SLC15A4: variants seen among roughly 807,000 people sequenced by gnomAD.
SLC15A4 encodes the protein hPHT1.
A neutral mutation model predicts 46.1 loss-of-function variants in SLC15A4; 26 were observed. The ratio of observed to expected loss-of-function variants is 0.56; its 90% CI spans 0.41 to 0.78. The LOEUF (loss-of-function observed/expected upper bound fraction) is 0.78. Among genes scored for constraint, SLC15A4 ranks in the 30% least tolerant of loss-of-function variants. The pLI, the probability that SLC15A4 is intolerant of heterozygous loss-of-function variation, is 0.00. For synonymous variants in SLC15A4, 370 were observed against 333.4 expected, an observed-to-expected ratio of 1.11 and a Z score of -1.20; for missense variants, 751 against 755.7, an observed-to-expected ratio of 0.99 and a Z score of 0.07.
chr12:128,821,325 C>G (rs143488100), intron 1 of SLC15A4, among the ~76,000 whole-genome samples: 1 of 152,204 alleles, frequency 6.6e-6, no homozygotes, highest in Admixed American at 6.5e-5. Context: ...TCCCTAATGT[C>G]ACCACTTCCT....
chr12:128,795,929 C>T (rs1291817451), intron 7 of SLC15A4, among the ~76,000 whole-genome samples: 1 of 152,246 alleles, frequency 6.6e-6, no homozygotes. Flanking sequence ...CCGGCAACAT[C>T]ACGAGGGGAG....
At chr12:128,810,287 T>G in intron 2 of SLC15A4, 176 bp from the exon 3 acceptor site, 1 of 601,224 alleles carries the variant, frequency 1.7e-6, no homozygotes, top group Non-Finnish European at 2.8e-6. Context: ...TTTCTAAATG[T>G]CACAGAATGT....
intron 7 of SLC15A4, among the ~76,000 whole-genome samples, chr12:128,795,330 A>G (rs753992469): frequency 3.3e-5 from 5 of 152,182 alleles, no homozygotes; most frequent in Non-Finnish European, 5.9e-5. Context: ...TAATACAAAG[A>G]GTTAGCATAC....
intron 1 of SLC15A4, among the ~76,000 whole-genome samples, chr12:128,816,613 T>C (rs1955754372): frequency 6.6e-6 from 1 of 152,166 alleles, no homozygotes; most frequent in African/African-American, 2.4e-5. Flanking sequence ...GGCAGACCGC[T>C]TGGGTCTAGG....
In SLC15A4 at chr12:128,805,156, A is replaced by C. The variant is rs540069555; in HGVS notation, c.1258+3632T>G. 7.9e-5 allele frequency among the ~76,000 whole-genome samples: 12 copies of C among 152,252 alleles called. No homozygotes were observed. The South Asian group carries it at 1.0e-3, about 13-fold the overall frequency. On this transcript the variant is annotated intron_variant, in intron 5 of 7. Coordinates refer to ENST00000266771, the MANE Select transcript of SLC15A4 (RefSeq NM_145648.4). Reference sequence around the variant, plus strand: ...GCAATTATCCTTGGATACCCCCCCCAAAAAAATCCAACATTCATGCTGGCT... The same window carrying C: ...GCAATTATCCTTGGATACCCCCCCCCAAAAAATCCAACATTCATGCTGGCT...
At chr12:128,799,628 A>G (rs1955491322) in intron 6 of SLC15A4, among the ~76,000 whole-genome samples, 1 of 152,230 alleles carries the variant, frequency 6.6e-6, no homozygotes, top group Non-Finnish European at 1.5e-5. Flanking sequence ...CCTAGCCATT[A>G]GGATAATTCC....
intron 2 of SLC15A4, 49 bp from the exon 3 acceptor site, chr12:128,810,160 C>T: frequency 6.3e-7 from 1 of 1,581,714 alleles, no homozygotes. Context: ...TCCCAGCAAT[C>T]AATTATTTGG....
chr12:128,803,832 C>T (rs1404953031), intron 5 of SLC15A4, among the ~76,000 whole-genome samples: 2 of 151,114 alleles, frequency 1.3e-5, no homozygotes, highest in African/African-American at 4.8e-5. Context: ...TCCGGGACGA[C>T]ACGACGAATT....
intron 7 of SLC15A4, among the ~76,000 whole-genome samples, chr12:128,797,120 T>C (rs549049865): frequency 6.6e-6 from 1 of 152,158 alleles, no homozygotes; most frequent in African/African-American, 2.4e-5. Context: ...GACAGACTCT[T>C]GGGTCCCCAA....
chr12:128,822,136 T>C (rs1037015818), intron 1 of SLC15A4, among the ~76,000 whole-genome samples: 3 of 152,172 alleles, frequency 2.0e-5, no homozygotes, highest in African/African-American at 7.2e-5. Context: ...GATCTGACTT[T>C]GCTATTGCTC....
chr12:128,807,327 G>C (rs909154759), intron 5 of SLC15A4, among the ~76,000 whole-genome samples: 1 of 152,192 alleles, frequency 6.6e-6, no homozygotes, highest in African/African-American at 2.4e-5. Flanking sequence ...TGGCTCTCAA[G>C]GCAGCCCACA....
Position 128,814,907 on chromosome 12 carries a change from A to G in SLC15A4, c.710T>C (p.Phe237Ser), listed in dbSNP as rs1955728039. The change falls in exon 2 of 8, where the codon TTT (phenylalanine) becomes TCT (serine). Residue 237 changes from phenylalanine to serine, a missense_variant. Coordinates refer to ENST00000266771, the MANE Select transcript of SLC15A4 (RefSeq NM_145648.4). ...AIPTVCVGLA[F>S]VVFLCGQSVF... ...GCTCTGGCCACAGAGGAAGACCACAAAAGCAAGGCCGACGCAGACAGTGGG... is the reference window on the plus strand; with the variant it reads ...GCTCTGGCCACAGAGGAAGACCACAGAAGCAAGGCCGACGCAGACAGTGGG... The G allele has an allele frequency of 1.9e-6, 3 of 1,614,196 alleles. No individual in the cohort carries two copies. Among genetic ancestry groups the G allele is most frequent in the Non-Finnish European group, 2.5e-6 (3 of 1,180,038 alleles).
chr12:128,810,389 A>C, intron 2 of SLC15A4: 1 of 393,890 alleles, frequency 2.5e-6, no homozygotes, highest in Non-Finnish European at 4.7e-6. Flanking sequence ...TGACAGTGTG[A>C]ACCACGGCTG....
At chr12:128,817,336 T>C (rs1955770307) in intron 1 of SLC15A4, among the ~76,000 whole-genome samples, 1 of 151,890 alleles carries the variant, frequency 6.6e-6, no homozygotes. Flanking sequence ...GGAAGAAAAA[T>C]GAAAAATGTG....
At chr12:128,796,825 T>C (rs888430752) in intron 7 of SLC15A4, among the ~76,000 whole-genome samples, 1 of 152,132 alleles carries the variant, frequency 6.6e-6, no homozygotes, top group African/African-American at 2.4e-5. Flanking sequence ...AATGTACCAG[T>C]CACTGAAAAC....
In SLC15A4 at chr12:128,823,752, C is replaced by G; in HGVS notation, c.192G>C (p.Gly64=). Residue 64 remains glycine (G), a synonymous_variant, in exon 1 of 8, where the codon GGG becomes GGC. Coordinates refer to ENST00000266771, the MANE Select transcript of SLC15A4 (RefSeq NM_145648.4). ...ITSNLVLFLN[G]APFCWEGAQA... ...GCGCGCCCTCCCAGCAGAACGGCGC[C>G]CCGTTCAGGAATAGCACCAGGTTGG... The G allele has an allele frequency of 1.3e-6, 2 of 1,539,332 alleles. No individual in the cohort carries two copies. Among genetic ancestry groups the G allele is most frequent in the Non-Finnish European group, 1.7e-6 (2 of 1,151,612 alleles).
Position 128,823,516 on chromosome 12 carries a change from G to C in SLC15A4, c.428C>G (p.Ala143Gly), listed in dbSNP as rs1380363617. ...GCGGGCGGCGGCGTCGGGACCAGGC[G>C]CCGTGCAGTTGAGCAGGCGCGCGGA... ...CGSARLLNCT[A>G]PGPDAAARCC... The change falls in exon 1 of 8, where the codon GCG (alanine) becomes GGG (glycine). Residue 143 changes from alanine to glycine, a missense_variant. Transcript: ENST00000266771. 1.3e-6 allele frequency: 2 copies of C among 1,482,162 alleles called. No homozygotes were observed. The highest frequency in any genetic ancestry group is 1.8e-6 in the Non-Finnish European group (2 of 1,123,486). 91.8% of individuals were successfully genotyped at this position (1,482,162 alleles called of 1,614,324 possible). A position where few individuals can be genotyped will look rare whatever the true frequency, so the allele number is the denominator to read the frequency against.
rs549648165 is a variant in SLC15A4, at chr12:128,806,352, A to G, written c.1258+2436T>C. ...ACTAATAACGTGTTAAAACAATAATATACCATTTTTCAACCCTTCAGCTAA... is the reference window on the plus strand; with the variant it reads ...ACTAATAACGTGTTAAAACAATAATGTACCATTTTTCAACCCTTCAGCTAA... On this transcript the variant is annotated intron_variant, in intron 5 of 7. Transcript: ENST00000266771. Among the ~76,000 whole-genome samples, 3 of 152,222 alleles carry G rather than the reference A, an allele frequency of 2.0e-5. No homozygotes were observed. In the South Asian group the frequency reaches 6.2e-4, roughly 32 times the overall value.
In SLC15A4 at chr12:128,823,480, G is replaced by T; in HGVS notation, c.464C>A (p.Pro155Gln). 1 of 1,484,898 alleles carries T rather than the reference G, an allele frequency of 6.7e-7. No individual in the cohort carries two copies. Among genetic ancestry groups the T allele is most frequent in the Non-Finnish European group, 8.9e-7 (1 of 1,124,682 alleles). The allele number at this position is 1,484,898 out of a possible 1,614,324, so 92.0% of individuals were successfully genotyped here. The part of the protein sequence containing the change: ...GPDAAARCCS[P>Q]ATFAGLVLVG... ...CAGCACCAGCCCCGCGAAGGTGGCC[G>T]GTGAGCAGCAGCGGGCGGCGGCGTC... Residue 155 changes from proline (P) to glutamine (Q), a missense_variant, in exon 1 of 8, where the codon CCG (proline) becomes CAG (glutamine). Transcript: ENST00000266771.
Sources: allele counts gnomAD v4.1 joint callset (sites outside exome capture counted in the v4.1 genomes callset), GRCh38; gene constraint gnomAD v4.1.1; transcripts MANE v1.5; gene names NCBI Gene and HGNC (gene_info 2026-07-23, HGNC 2026-07-21).